OSBPL1A: variants seen among roughly 807,000 people sequenced by gnomAD.
OSBPL1A encodes the protein oxysterol-binding protein-related protein 1.
A neutral mutation model predicts 137.1 loss-of-function variants in OSBPL1A; 80 were observed. The ratio of observed to expected loss-of-function variants is 0.58; its 90% CI spans 0.49 to 0.70. OSBPL1A has a LOEUF of 0.70. Among genes scored for constraint, OSBPL1A ranks in the 30% least tolerant of loss-of-function variants. The pLI, the probability that OSBPL1A is intolerant of heterozygous loss-of-function variation, is 0.00. For missense variants in OSBPL1A, 970 were observed against 1,129.4 expected (o/e 0.86, Z 2.02); for synonymous variants, 365 against 389.7 (o/e 0.94, Z 0.75).
At chr18:24,370,984 A>G (rs1032133442) in intron 2 of OSBPL1A, among the ~76,000 whole-genome samples, 9 of 152,136 alleles carry the variant, frequency 5.9e-5, no homozygotes, top group Non-Finnish European at 1.0e-4. Context: ...ACTTTCATGT[A>G]TATGTAAATA....
intron 2 of OSBPL1A, among the ~76,000 whole-genome samples, chr18:24,370,853 G>A (rs1477911523): frequency 6.6e-6 from 1 of 152,070 alleles, no homozygotes; most frequent in African/African-American, 2.4e-5. Flanking sequence ...TTCTTTTGTA[G>A]GGATGGGGTT....
chr18:24,348,761 G>A (rs1284598309), intron 4 of OSBPL1A, among the ~76,000 whole-genome samples: 2 of 151,792 alleles, frequency 1.3e-5, no homozygotes, highest in African/African-American at 2.4e-5. Context: ...GCAACAGACT[G>A]AGACTGTCTC....
intron 14 of OSBPL1A, among the ~76,000 whole-genome samples, chr18:24,294,705 T>C: frequency 6.6e-6 from 1 of 152,228 alleles, no homozygotes; most frequent in East Asian, 1.9e-4. Context: ...CTTAGAATAA[T>C]GGCCTCCAGC....
chr18:24,382,900 GA>G (rs1261734948), intron 1 of OSBPL1A, among the ~76,000 whole-genome samples: 4 of 151,698 alleles, frequency 2.6e-5, no homozygotes, highest in African/African-American at 9.7e-5. Flanking sequence ...GAAAGAAAAA[GA>G]AAAAAATGTT....
chr18:24,289,641 G>A (rs1232212280), intron 14 of OSBPL1A, among the ~76,000 whole-genome samples: 3 of 151,922 alleles, frequency 2.0e-5, no homozygotes, highest in African/African-American at 7.3e-5. Flanking sequence ...GGCTGGTCTC[G>A]AACTCCTGAC....
intron 15 of OSBPL1A, among the ~76,000 whole-genome samples, chr18:24,240,342 G>C (rs1217051448): frequency 6.6e-6 from 1 of 152,174 alleles, no homozygotes; most frequent in Non-Finnish European, 1.5e-5. Flanking sequence ...TTTTTTTACT[G>C]TTTGAAGTTA....
At chr18:24,267,278 A>G (rs900815226) in intron 15 of OSBPL1A, among the ~76,000 whole-genome samples, 2 of 151,966 alleles carry the variant, frequency 1.3e-5, no homozygotes, top group African/African-American at 4.8e-5. Context: ...AAATAATCCT[A>G]GAAACATTAA....
At chr18:24,198,365 G>A (rs530599127) in intron 17 of OSBPL1A, among the ~76,000 whole-genome samples, 1 of 152,142 alleles carries the variant, frequency 6.6e-6, no homozygotes, top group Admixed American at 6.5e-5. Context: ...TCAGCCAAGA[G>A]TCCCACCTGG....
intron 18 of OSBPL1A, among the ~76,000 whole-genome samples, chr18:24,191,223 G>A (rs2086882168): frequency 6.6e-6 from 1 of 152,168 alleles, no homozygotes; most frequent in South Asian, 2.1e-4. Flanking sequence ...TGTGTTTTTA[G>A]TAACACTGAA....
intron 4 of OSBPL1A, chr18:24,358,352 A>G: frequency 1.5e-6 from 1 of 647,130 alleles, no homozygotes; most frequent in South Asian, 1.8e-5. Flanking sequence ...AAAGCTTCGC[A>G]CACAGCAGAA....
intron 15 of OSBPL1A, among the ~76,000 whole-genome samples, chr18:24,241,924 C>T (rs2088707489): frequency 6.6e-6 from 1 of 152,142 alleles, no homozygotes. Context: ...GGCACATATA[C>T]ACCATGGAAT....
At chr18:24,388,779 G>A (rs1483646915) in intron 1 of OSBPL1A, among the ~76,000 whole-genome samples, 4 of 121,398 alleles carry the variant, frequency 3.3e-5, no homozygotes, top group Non-Finnish European at 6.4e-5. Context: ...CAGTCTGGGC[G>A]ACAAGAGTGA....
At chr18:24,330,297 T>G in intron 7 of OSBPL1A, among the ~76,000 whole-genome samples, 1 of 152,116 alleles carries the variant, frequency 6.6e-6, no homozygotes, top group East Asian at 1.9e-4. Context: ...ACTTGGATTT[T>G]TCACCTTAAC....
intron 14 of OSBPL1A, among the ~76,000 whole-genome samples, chr18:24,291,160 T>C (rs2090168278): frequency 6.6e-6 from 1 of 152,182 alleles, no homozygotes; most frequent in Non-Finnish European, 1.5e-5. Flanking sequence ...GTGATGGACA[T>C]TCAGCAGAAG....
At chr18:24,295,926 A>C (rs1304767522) in intron 14 of OSBPL1A, among the ~76,000 whole-genome samples, 1 of 152,058 alleles carries the variant, frequency 6.6e-6, no homozygotes, top group Non-Finnish European at 1.5e-5. Flanking sequence ...TATAATTTAA[A>C]GTCCAATAAT....
chr18:24,249,955 C>T (rs574274072), intron 15 of OSBPL1A, among the ~76,000 whole-genome samples: 127 of 152,288 alleles, frequency 8.3e-4, no homozygotes, highest in African/African-American at 2.7e-3. Context: ...TGCACCATCC[C>T]TCCCCCAACC....
chr18:24,365,249 A>G (rs762014252), intron 4 of OSBPL1A, among the ~76,000 whole-genome samples: 4 of 152,180 alleles, frequency 2.6e-5, no homozygotes, highest in Non-Finnish European at 5.9e-5. Context: ...ATTATGCTAA[A>G]TTAAAGAAGC....
At chr18:24,314,534 G>T (rs2090683326) in intron 11 of OSBPL1A, among the ~76,000 whole-genome samples, 187 bp from the exon 12 acceptor site, 1 of 152,186 alleles carries the variant, frequency 6.6e-6, no homozygotes. Context: ...GTAGAACTAT[G>T]TTGAGTCTGG....
chr18:24,247,694 TC>T (rs914188759), intron 15 of OSBPL1A, among the ~76,000 whole-genome samples: 161 of 462 alleles, frequency 0.35, 1 homozygote, highest in African/African-American at 0.45. Flanking sequence ...GGTCTTGAAC[TC>T]CCGGGACTCA....
Sources: gnomAD v4.1 joint callset for allele counts (sites outside exome capture counted in the v4.1 genomes callset) on GRCh38, gnomAD v4.1.1 for gene constraint, MANE v1.5 for transcripts, NCBI Gene and HGNC (gene_info 2026-07-23, HGNC 2026-07-21) for gene names.